The following CRTAC1 variants were observed in gnomAD, a reference collection of about 807,000 sequenced individuals.
CRTAC1 encodes cartilage acidic protein 1.
In CRTAC1, 37 loss-of-function variants were observed where a neutral mutation model predicts 67.8. The ratio of observed to expected loss-of-function variants is 0.55; its 90% CI spans 0.42 to 0.72. The LOEUF (loss-of-function observed/expected upper bound fraction) is 0.72. Among genes scored for constraint, CRTAC1 ranks in the 30% least tolerant of loss-of-function variants. CRTAC1 has a pLI of 0.00. For missense variants in CRTAC1, 780 were observed against 931.6 expected, an observed-to-expected ratio of 0.84 and a Z score of 2.12; for synonymous variants, 348 against 371.0, an observed-to-expected ratio of 0.94 and a Z score of 0.71.
Position 97,877,379 on chromosome 10 carries a change from TA to T in CRTAC1, c.1819+2869del, listed in dbSNP as rs1165765284. 2.0e-5 allele frequency among the ~76,000 whole-genome samples: 3 copies of T among 152,182 alleles called. No homozygotes were observed. In the East Asian group the frequency reaches 5.8e-4, roughly 29 times the overall value. On this transcript the variant is annotated intron_variant, in intron 14 of 14. Transcript: ENST00000370597. ...AGAGCGTAGCTCAGTACCTGGCACATAATAGGTGCTCAACAAATATTACTTT... is the reference window on the plus strand; with the variant it reads ...AGAGCGTAGCTCAGTACCTGGCACATATAGGTGCTCAACAAATATTACTTT...
chr10:97,979,361 G>A (rs966817539), intron 2 of CRTAC1, among the ~76,000 whole-genome samples: 5 of 152,080 alleles, frequency 3.3e-5, no homozygotes, highest in South Asian at 4.1e-4. Context: ...TACCCCACCC[G>A]AACCACCGTG....
chr10:98,002,031 G>A (rs1353367163), intron 2 of CRTAC1, among the ~76,000 whole-genome samples: 1 of 152,228 alleles, frequency 6.6e-6, no homozygotes, highest in Non-Finnish European at 1.5e-5. Flanking sequence ...CAAGGCCAGG[G>A]AGGGTCAGCC....
intron 8 of CRTAC1, among the ~76,000 whole-genome samples, chr10:97,898,156 A>G (rs1276493867): frequency 6.6e-6 from 1 of 152,224 alleles, no homozygotes; most frequent in African/African-American, 2.4e-5. Context: ...CCAGCAATCA[A>G]TTCCACTGTA....
chr10:97,882,783 C>T lies in CRTAC1; in HGVS notation c.1675+3G>A, dbSNP rs757133044. ...CATGCCCTGGTGACTGAAGGCAACTCACCCATGCAATGGCCATTTTCCTGC... is the reference window on the plus strand; with the variant it reads ...CATGCCCTGGTGACTGAAGGCAACTTACCCATGCAATGGCCATTTTCCTGC... On this transcript the variant is annotated splice_donor_region_variant and intron_variant, in intron 13 of 14. Transcript: ENST00000370597. The T allele has an allele frequency of 5.1e-5, 83 of 1,614,158 alleles. No individual in the cohort carries two copies. Among genetic ancestry groups the T allele is most frequent in the Non-Finnish European group, 6.9e-5 (81 of 1,179,996 alleles).
intron 2 of CRTAC1, among the ~76,000 whole-genome samples, chr10:97,950,702 G>A (rs1199050714): frequency 6.6e-6 from 1 of 152,182 alleles, no homozygotes; most frequent in East Asian, 1.9e-4. Flanking sequence ...AAATGGATGG[G>A]AAAACAGAAA....
chr10:97,983,401 G>T (rs542578305), intron 2 of CRTAC1, among the ~76,000 whole-genome samples: 38 of 151,908 alleles, frequency 2.5e-4, no homozygotes, highest in African/African-American at 9.0e-4. Flanking sequence ...AATTTTTTAT[G>T]ACAAGAGATA....
At chr10:97,961,812 AT>A (rs2051530328) in intron 2 of CRTAC1, among the ~76,000 whole-genome samples, 1 of 152,142 alleles carries the variant, frequency 6.6e-6, no homozygotes, top group Non-Finnish European at 1.5e-5. Context: ...CGGTGGGAGG[AT>A]TGCTTGCAGC....
chr10:97,927,745 G>T (rs1396288328), intron 3 of CRTAC1, among the ~76,000 whole-genome samples: 1 of 152,268 alleles, frequency 6.6e-6, no homozygotes, highest in African/African-American at 2.4e-5. Flanking sequence ...GGAGGCCTGG[G>T]CGACGGGAGA....
intron 2 of CRTAC1, among the ~76,000 whole-genome samples, chr10:98,005,100 A>ATATATATATATATATTTTTTT: frequency 4.1e-5 from 2 of 48,884 alleles, no homozygotes; most frequent in African/African-American, 2.3e-4. Context: ...ATATATATAT[A>ATATATATATATATATTTTTTT]TTTTTTTTTT....
intron 5 of CRTAC1, among the ~76,000 whole-genome samples, chr10:97,908,715 C>T (rs1403854829): frequency 1.3e-5 from 2 of 152,182 alleles, no homozygotes; most frequent in African/African-American, 2.4e-5. Flanking sequence ...TATGACAAAC[C>T]ATTCTGCAGT....
rs569073870 is a variant in CRTAC1, at chr10:97,890,731, A to C, written c.1486+4514T>G. 2.1e-4 allele frequency among the ~76,000 whole-genome samples: 32 copies of C among 150,618 alleles called. 1 individual carries two copies. The East Asian group carries it at 5.7e-3, about 27-fold the overall frequency. ...TGCCTAGGCTGGAGTGCAATGGCAC[A>C]ATCTTGCCTCACCGTAACCTCTGCC... On this transcript the variant is annotated intron_variant, in intron 11 of 14. Transcript: ENST00000370597.
intron 2 of CRTAC1, among the ~76,000 whole-genome samples, chr10:97,983,185 ACT>A (rs1433845205): frequency 6.6e-6 from 1 of 152,116 alleles, no homozygotes; most frequent in Non-Finnish European, 1.5e-5. Context: ...CCACCAGTAG[ACT>A]CTCCTCAGTT....
chr10:97,985,024 A>G (rs1414116487), intron 2 of CRTAC1, among the ~76,000 whole-genome samples: 1 of 152,220 alleles, frequency 6.6e-6, no homozygotes, highest in Non-Finnish European at 1.5e-5. Context: ...GGTGCATGTC[A>G]GACTTGTGCC....
At chr10:97,905,465 C>G (rs2050599084) in intron 6 of CRTAC1, among the ~76,000 whole-genome samples, 1 of 152,206 alleles carries the variant, frequency 6.6e-6, no homozygotes, top group African/African-American at 2.4e-5. Context: ...GCATCTGAGA[C>G]AGCTCATCTT....
At chr10:97,909,100 G>A (rs185043199) in intron 5 of CRTAC1, among the ~76,000 whole-genome samples, 2 of 152,182 alleles carry the variant, frequency 1.3e-5, no homozygotes, top group South Asian at 2.1e-4. Flanking sequence ...TTTTTAAAAC[G>A]GAAAGAAATC....
chr10:97,884,077 C>T (rs1175237161), intron 12 of CRTAC1, 129 bp downstream of exon 12: 1 of 1,080,698 alleles, frequency 9.3e-7, no homozygotes, highest in African/African-American at 1.6e-5. Context: ...AGTATGAAGC[C>T]TTCGCTTTGC....
intron 14 of CRTAC1, chr10:97,868,155 A>G (rs2050050233): frequency 6.6e-6 from 1 of 152,268 alleles, no homozygotes; most frequent in Non-Finnish European, 1.5e-5. Flanking sequence ...AAGTAGCTGG[A>G]TGTTGGAACC....
intron 2 of CRTAC1, among the ~76,000 whole-genome samples, chr10:97,941,326 C>T (rs1226988601): frequency 1.3e-5 from 2 of 152,098 alleles, no homozygotes; most frequent in Non-Finnish European, 2.9e-5. Flanking sequence ...TCTTCCTCTC[C>T]CTTCCCTTTT....
rs368780856 is a variant in CRTAC1, at chr10:97,901,530, C to T, written c.1106G>A (p.Arg369His). 13 of 1,614,022 alleles carry T rather than the reference C, an allele frequency of 8.1e-6. No individual in the cohort carries two copies. Among genetic ancestry groups the T allele is most frequent in the African/African-American group, 2.7e-5 (2 of 74,904 alleles). Residue 369 changes from arginine (R) to histidine (H), a missense_variant, in exon 8 of 15, where the codon CGC becomes CAC. By Grantham distance (29) the Arg-to-His change is conservative (BLOSUM62 0). Transcript: ENST00000370597. ...GAAGAGGCGGTTGGCTGAGGAGCTG[C>T]GGTAGGCAATGTTGTTGAAGAAGAT... ...LEIFFNNIAY[R>H]SSSANRLFRV...
Sources: gnomAD v4.1 joint callset for allele counts (sites outside exome capture counted in the v4.1 genomes callset) on GRCh38, gnomAD v4.1.1 for gene constraint, MANE v1.5 for transcripts, NCBI Gene and HGNC (gene_info 2026-07-23, HGNC 2026-07-21) for gene names.